CTNNA2: variants seen among roughly 807,000 people sequenced by gnomAD.
The protein encoded by CTNNA2 is catenin alpha 2.
In CTNNA2, 42 loss-of-function variants were observed where a neutral mutation model predicts 101.0. That is an observed-to-expected ratio of 0.42 (90% CI 0.32 to 0.54). The LOEUF is 0.54. Ranked by LOEUF, CTNNA2 falls within the 20% of genes least tolerant of loss-of-function variation. The pLI, the probability that CTNNA2 is intolerant of heterozygous loss-of-function variation, is 0.14. For missense variants in CTNNA2, 871 were observed against 1,223.1 expected (o/e 0.71, Z 4.29); for synonymous variants, 450 against 456.4 (o/e 0.99, Z 0.18).
At chr2:79,249,944 T>G (rs1210130763) in intron 2 of CTNNA2, among the ~76,000 whole-genome samples, 1 of 152,194 alleles carries the variant, frequency 6.6e-6, no homozygotes, top group East Asian at 1.9e-4. Flanking sequence ...ATTAACACTT[T>G]GAACTGCATC....
intron 7 of CTNNA2, among the ~76,000 whole-genome samples, chr2:79,912,411 G>GC (rs1466625744): frequency 3.3e-5 from 5 of 152,222 alleles, no homozygotes; most frequent in Admixed American, 6.5e-5. Context: ...CAATAGGATA[G>GC]CAGTCACATG....
intron 3 of CTNNA2, among the ~76,000 whole-genome samples, chr2:79,842,439 T>C (rs1007652787): frequency 2.6e-5 from 4 of 152,166 alleles, no homozygotes; most frequent in African/African-American, 7.2e-5. Flanking sequence ...GGAAGCACCA[T>C]GTTAGGGTAA....
chr2:79,928,784 G>C (rs2104410072), intron 7 of CTNNA2, among the ~76,000 whole-genome samples: 1 of 152,138 alleles, frequency 6.6e-6, no homozygotes, highest in South Asian at 2.1e-4. Context: ...ACTGGGAAAT[G>C]TACTTCTTCC....
chr2:80,484,800 A>G (rs939415161), intron 9 of CTNNA2, among the ~76,000 whole-genome samples: 4 of 152,132 alleles, frequency 2.6e-5, no homozygotes, highest in African/African-American at 9.7e-5. Flanking sequence ...AGGTCCGGAG[A>G]TCGAGACCAT....
chr2:80,471,301 C>T (rs560484648), intron 9 of CTNNA2, among the ~76,000 whole-genome samples: 93 of 152,336 alleles, frequency 6.1e-4, no homozygotes, highest in African/African-American at 2.0e-3. Flanking sequence ...GATAAGATAT[C>T]TTCCTTCTCA....
chr2:80,545,195 C>G, intron 10 of CTNNA2, 121 bp downstream of exon 10: 1 of 882,400 alleles, frequency 1.1e-6, no homozygotes, highest in South Asian at 1.7e-5. Flanking sequence ...CATTTATGAG[C>G]TGTTTCAAGT....
chr2:79,561,956 A>G (rs1446765583), intron 1 of CTNNA2, among the ~76,000 whole-genome samples: 1 of 151,774 alleles, frequency 6.6e-6, no homozygotes, highest in East Asian at 1.9e-4. Context: ...AAAGTTTTTA[A>G]TTTTGAGGAA....
chr2:80,561,059 C>T (rs1157332562), intron 12 of CTNNA2, among the ~76,000 whole-genome samples: 3 of 152,090 alleles, frequency 2.0e-5, no homozygotes, highest in Admixed American at 6.6e-5. Context: ...ATGCTTCCTT[C>T]AGTTGGACTG....
At chr2:80,325,107 A>G (rs1022184914) in intron 7 of CTNNA2, among the ~76,000 whole-genome samples, 1 of 152,198 alleles carries the variant, frequency 6.6e-6, no homozygotes, top group Non-Finnish European at 1.5e-5. Flanking sequence ...CATTAAAAAT[A>G]TGTTCATTAA....
chr2:80,419,234 T>C (rs1049242308), intron 8 of CTNNA2, among the ~76,000 whole-genome samples: 2 of 152,230 alleles, frequency 1.3e-5, no homozygotes, highest in African/African-American at 4.8e-5. Context: ...CAGGCCATTA[T>C]GTAACTTTCA....
chr2:80,301,380 C>G (rs1169360537), intron 7 of CTNNA2, among the ~76,000 whole-genome samples: 1 of 152,140 alleles, frequency 6.6e-6, no homozygotes, highest in African/African-American at 2.4e-5. Context: ...ACAAATGCTA[C>G]TAAGTCTGGT....
chr2:79,527,376 T>C (rs1240056422), intron 1 of CTNNA2, among the ~76,000 whole-genome samples: 1 of 148,582 alleles, frequency 6.7e-6, no homozygotes, highest in Non-Finnish European at 1.5e-5. Flanking sequence ...CTCACACCTG[T>C]AATTCCAGCA....
At chr2:80,135,694 G>C (rs1012550423) in intron 7 of CTNNA2, among the ~76,000 whole-genome samples, 4 of 152,090 alleles carry the variant, frequency 2.6e-5, no homozygotes, top group Non-Finnish European at 4.4e-5. Context: ...CTAAGTGCTG[G>C]GAAGACAGTC....
At chr2:80,462,673 G>A (rs1684541803) in intron 9 of CTNNA2, among the ~76,000 whole-genome samples, 2 of 130,482 alleles carry the variant, frequency 1.5e-5, no homozygotes, top group South Asian at 2.6e-4. Context: ...GAGCTGCTGG[G>A]TCATCACTTC....
At chr2:79,263,765 C>T (rs370169031) in intron 2 of CTNNA2, among the ~76,000 whole-genome samples, 3 of 152,104 alleles carry the variant, frequency 2.0e-5, no homozygotes, top group East Asian at 1.9e-4. Context: ...GAATGCCTCC[C>T]GCCATGTTAT....
intron 2 of CTNNA2, among the ~76,000 whole-genome samples, chr2:79,683,320 T>TGA (rs758977044): frequency 2.6e-5 from 4 of 152,330 alleles, no homozygotes; most frequent in Non-Finnish European, 5.9e-5. Flanking sequence ...TAGAATGTGT[T>TGA]TATTTTCATT....
At chr2:80,526,274 A>G (rs1337138244) in intron 9 of CTNNA2, among the ~76,000 whole-genome samples, 1 of 152,122 alleles carries the variant, frequency 6.6e-6, no homozygotes, top group Non-Finnish European at 1.5e-5. Flanking sequence ...ATCTCAGCTC[A>G]CTGAAACCTC....
intron 7 of CTNNA2, among the ~76,000 whole-genome samples, chr2:80,037,991 TAA>T (rs1695779059): frequency 6.6e-6 from 1 of 152,178 alleles, no homozygotes; most frequent in Admixed American, 6.5e-5. Flanking sequence ...TGGAGAGACC[TAA>T]TTGGGGGTGA....
chr2:79,432,021 A>T (rs181224031), intron 4 of CTNNA2, among the ~76,000 whole-genome samples: 16 of 152,316 alleles, frequency 1.1e-4, no homozygotes, highest in African/African-American at 3.8e-4. Context: ...ATTATAGGTG[A>T]CTTCCAACAT....
Sources: gnomAD v4.1 joint callset for allele counts (sites outside exome capture counted in the v4.1 genomes callset) on GRCh38, gnomAD v4.1.1 for gene constraint, MANE v1.5 for transcripts, NCBI Gene and HGNC (gene_info 2026-07-23, HGNC 2026-07-21) for gene names.